The following LRRC9 variants were observed in gnomAD, a reference collection of about 807,000 sequenced individuals.
The protein encoded by LRRC9 is leucine rich repeat containing 9.
A neutral mutation model predicts 63.2 loss-of-function variants in LRRC9; 122 were observed. The ratio of observed to expected loss-of-function variants is 1.93; its 90% confidence interval spans 1.67 to 2.24. LRRC9 has a LOEUF of 2.24. LRRC9 is among the 30% of genes most tolerant of loss of function. The pLI, the probability that LRRC9 is intolerant of heterozygous loss-of-function variation, is 0.00. For synonymous variants in LRRC9, 366 were observed against 213.1 expected (o/e 1.72, Z -6.25); for missense variants, 1,071 against 627.7 (o/e 1.71, Z -7.55).
At position 59,990,264 on chromosome 14, in the gene LRRC9, C is replaced by T. The variant is rs1887939488; in HGVS notation, c.2211+5040C>T. On this transcript the variant is annotated intron_variant, in intron 17 of 31. Coordinates refer to ENST00000445360, the Ensembl canonical transcript of LRRC9. This position sits in a 1 kb window ranked among gnomAD's most constrained non-coding sequence, Gnocchi z 4.2. ...TTTATTCACCTCTCGTGTCCTTATC[C>T]TGTTTCATTTTGAGTTTAGCCCCAA... is the stretch of plus-strand genomic sequence containing the variant. 6.6e-6 allele frequency among the ~76,000 whole-genome samples: 1 copy of T among 152,086 alleles called. No individual in the cohort carries two copies. Among genetic ancestry groups the T allele is most frequent in the Non-Finnish European group, 1.5e-5 (1 of 68,026 alleles).
At chr14:59,997,482 T>C (rs1356604861) in intron 17 of LRRC9, among the ~76,000 whole-genome samples, 174 bp from the exon 18 acceptor site, 1 of 152,154 alleles carries the variant, frequency 6.6e-6, no homozygotes, top group Non-Finnish European at 1.5e-5. Context: ...ATAATACCTG[T>C]AGCTCTTTAG....
rs377318888 is a variant in LRRC9 at position 60,016,845 on chromosome 14, TATC to T, written c.3317+58_3317+60del. ...CATTATAATTACATTATGTAATTAT[TATC>T]ATTTTTCTGAAGCTTACATTTATAC... On this transcript the variant is annotated intron_variant, in intron 24 of 31. Coordinates refer to ENST00000445360, the Ensembl canonical transcript of LRRC9. 210 of 585,090 alleles carry T rather than the reference TATC, an allele frequency of 3.6e-4. 2 individuals carry two copies. In the East Asian group the frequency reaches 5.4e-3, roughly 15 times the overall value. 36.2% of individuals were successfully genotyped at this position (585,090 alleles called of 1,614,324 possible). A position where few individuals can be genotyped will look rare whatever the true frequency, so the allele number is the denominator to read the frequency against.
At position 59,960,959 on chromosome 14, in the gene LRRC9, T is replaced by A. The variant is rs994364784; in HGVS notation, c.1125T>A (p.Ser375Arg). The change falls in exon 10 of 32, where the codon AGT becomes AGA. Residue 375 changes from serine to arginine, a missense_variant. Transcript: ENST00000445360. ...TTGAAGTAAAACAAAAGAAGAAAAG[T>A]CATGGCTTATTGATCCCACTTTTGT... 19 of 694,156 alleles carry A rather than the reference T, an allele frequency of 2.7e-5. No homozygotes were observed. In the African/African-American group the frequency reaches 3.0e-4, roughly 11 times the overall value. 43.0% of individuals were successfully genotyped at this position (694,156 alleles called of 1,614,324 possible).
At chr14:60,013,783 C>T (rs1029874349) in intron 23 of LRRC9, among the ~76,000 whole-genome samples, 10 of 152,058 alleles carry the variant, frequency 6.6e-5, no homozygotes, top group African/African-American at 2.4e-4. Flanking sequence ...TTACTTTCAA[C>T]CTGCATATAT....
At chr14:59,977,578 G>A (rs190473959) in intron 14 of LRRC9, among the ~76,000 whole-genome samples, 382 of 151,486 alleles carry the variant, frequency 2.5e-3, no homozygotes, top group Non-Finnish European at 4.2e-3. Context: ...TTGTGTGTGT[G>A]TGTGTGTGTG....
chr14:59,935,125 A>T (rs1890032629), intron 6 of LRRC9, among the ~76,000 whole-genome samples: 1 of 53,148 alleles, frequency 1.9e-5, no homozygotes, highest in South Asian at 8.0e-4. Context: ...GTTTCTACTA[A>T]AAAAAAAAAA....
Position 59,962,922 on chromosome 14 carries a change from G to A in LRRC9, c.1211+1877G>A, listed in dbSNP as rs1274634194. On this transcript the variant is annotated intron_variant, in intron 10 of 31. Coordinates refer to ENST00000445360, the Ensembl canonical transcript of LRRC9. This position sits in a 1 kb window ranked among gnomAD's most constrained non-coding sequence, Gnocchi z 5.1. The stretch of plus-strand genomic sequence containing the variant: ...GTTTTAATAAGAGTAACTTTGATTT[G>A]TTTTAAGGAATATATCAAATATATG... Among the ~76,000 whole-genome samples, 3 of 152,124 alleles carry A rather than the reference G, an allele frequency of 2.0e-5. No homozygotes were observed. The highest frequency in any genetic ancestry group is 7.2e-5 in the African/African-American group (3 of 41,426).
intron 18 of LRRC9, among the ~76,000 whole-genome samples, chr14:59,998,250 AT>A (rs2140189511): frequency 6.6e-6 from 1 of 152,148 alleles, no homozygotes; most frequent in South Asian, 2.1e-4. Context: ...TTGATTTATA[AT>A]ATATCCTAAT....
At chr14:59,975,123 ATATG>A (rs1179858668) in intron 13 of LRRC9, among the ~76,000 whole-genome samples, 394 of 19,674 alleles carry the variant, frequency 0.02, 39 homozygotes, top group African/African-American at 0.03. Context: ...GTATATATAT[ATATG>A]TATATATATA....
chr14:59,947,149 C>T (rs1882526569), intron 8 of LRRC9, among the ~76,000 whole-genome samples: 1 of 151,292 alleles, frequency 6.6e-6, no homozygotes, highest in African/African-American at 2.4e-5. Flanking sequence ...CTTATTTCTC[C>T]ACATCCTCTC....
chr14:59,996,320 TAA>T (rs1280872550), intron 17 of LRRC9, among the ~76,000 whole-genome samples: 1 of 152,158 alleles, frequency 6.6e-6, no homozygotes, highest in Non-Finnish European at 1.5e-5. Context: ...CTTCTGATAA[TAA>T]AAAGTCAGTA....
chr14:60,026,928 A>G (rs1891601659), intron 27 of LRRC9, among the ~76,000 whole-genome samples: 1 of 152,038 alleles, frequency 6.6e-6, no homozygotes, highest in South Asian at 2.1e-4. Flanking sequence ...CAATGACCTC[A>G]TTTAACCTTA....
chr14:59,942,620 C>G lies in LRRC9; in HGVS notation c.727-1969C>G, dbSNP rs1881896487. 6.6e-6 allele frequency among the ~76,000 whole-genome samples: 1 copy of G among 152,080 alleles called. No individual in the cohort carries two copies. Among genetic ancestry groups the G allele is most frequent in the Non-Finnish European group, 1.5e-5 (1 of 68,008 alleles). On this transcript the variant is annotated intron_variant, in intron 7 of 31. Coordinates refer to ENST00000445360, the Ensembl canonical transcript of LRRC9. This position sits in a 1 kb window ranked among gnomAD's most constrained non-coding sequence, Gnocchi z 5.3. Reference sequence around the variant, plus strand: ...GCAGGTGCCTGTAATACCAGCTACTCAGGAGGCTGAGGCAGGAGAATCACT... The same window carrying G: ...GCAGGTGCCTGTAATACCAGCTACTGAGGAGGCTGAGGCAGGAGAATCACT...
At position 60,042,559 on chromosome 14, in the gene LRRC9, ATATAATCTCC is replaced by A. The variant is rs780903088; in HGVS notation, c.3990+10498_3991-10495del. ...TGGGATCCTCCAAGCCATGCGCGGG[ATATAATCTCC>A]TGTTGTGCCGTTTGCTAAGACCATT... On this transcript the variant is annotated intron_variant, in intron 29 of 31. Coordinates refer to ENST00000445360, the Ensembl canonical transcript of LRRC9. This position sits in a 1 kb window ranked among gnomAD's most constrained non-coding sequence, Gnocchi z 4.2. Among the ~76,000 whole-genome samples the A allele has an allele frequency of 6.6e-6, 1 of 152,052 alleles. No homozygotes were observed. The highest frequency in any genetic ancestry group is 1.5e-5 in the Non-Finnish European group (1 of 68,016).
At position 59,986,189 on chromosome 14, in the gene LRRC9, G is replaced by T. The variant is rs1887453660; in HGVS notation, c.2211+965G>T. Among the ~76,000 whole-genome samples, 1 of 152,108 alleles carries T rather than the reference G, an allele frequency of 6.6e-6. No homozygotes were observed. The highest frequency in any genetic ancestry group is 2.1e-4 in the South Asian group (1 of 4,824). On this transcript the variant is annotated intron_variant, in intron 17 of 31. Transcript: ENST00000445360. This position sits in a 1 kb window ranked among gnomAD's most constrained non-coding sequence, Gnocchi z 4.7. ...GGAATGCACATGTACACATAGGCAT[G>T]GATATTGTCTGGCTTTTATTTTGTT...
chr14:60,041,967 C>T (rs1024552384), intron 29 of LRRC9, among the ~76,000 whole-genome samples: 7 of 152,186 alleles, frequency 4.6e-5, no homozygotes, highest in African/African-American at 9.7e-5. Flanking sequence ...TTCTTTCTAA[C>T]GGTCAGGACC....
At position 60,018,365 on chromosome 14, in the gene LRRC9, A is replaced by T. The variant is rs974033842; in HGVS notation, c.3318-6A>T. Reference sequence around the variant, plus strand: ...TAATAGCTGTATTTACTTTGTCTAAATTCAGAACAGTGGATTTGATTCCAG... The same window carrying T: ...TAATAGCTGTATTTACTTTGTCTAATTTCAGAACAGTGGATTTGATTCCAG... On this transcript the variant is annotated splice_region_variant and splice_polypyrimidine_tract_variant and intron_variant, in intron 24 of 31. Coordinates refer to ENST00000445360, the Ensembl canonical transcript of LRRC9. 8 of 700,164 alleles carry T rather than the reference A, an allele frequency of 1.1e-5. No individual in the cohort carries two copies. The East Asian group carries it at 2.2e-4, about 19-fold the overall frequency. 43.4% of individuals were successfully genotyped at this position (700,164 alleles called of 1,614,324 possible).
In LRRC9 at chr14:59,932,053, G is replaced by C. The variant is rs1269935774; in HGVS notation, c.543+14G>C. 1 of 693,140 alleles carries C rather than the reference G, an allele frequency of 1.4e-6. No individual in the cohort carries two copies. The highest frequency in any genetic ancestry group is 1.8e-5 in the African/African-American group (1 of 56,580). The allele number at this position is 693,140 out of a possible 1,614,324, so 42.9% of individuals were successfully genotyped here. ...TGTTCTTTCAAGGTATGTTTAAGTGGAATAATTAATTTTTATTTATCATCC... is the reference window on the plus strand; with the variant it reads ...TGTTCTTTCAAGGTATGTTTAAGTGCAATAATTAATTTTTATTTATCATCC... On this transcript the variant is annotated intron_variant, in intron 6 of 31. Coordinates refer to ENST00000445360, the Ensembl canonical transcript of LRRC9. The surrounding 1 kb of genome is among the most constrained non-coding windows in gnomAD (Gnocchi z 4.7).
intron 10 of LRRC9, among the ~76,000 whole-genome samples, chr14:59,965,639 A>C (rs968306071): frequency 6.6e-6 from 1 of 151,580 alleles, no homozygotes; most frequent in Non-Finnish European, 1.5e-5. Flanking sequence ...TAATCCCAGC[A>C]CTGGGAGGCC....
Sources: allele counts gnomAD v4.1 joint callset (sites outside exome capture counted in the v4.1 genomes callset), GRCh38; gene constraint gnomAD v4.1.1; non-coding constraint Gnocchi (gnomAD v3.1); transcripts MANE v1.5; gene names NCBI Gene and HGNC (gene_info 2026-07-23, HGNC 2026-07-21).